Variants in DAB1 observed in about 807,000 individuals in gnomAD.
DAB1 encodes disabled homolog 1.
Under a neutral mutation model 64.6 loss-of-function variants are expected in DAB1, and 15 were observed. The ratio of observed to expected loss-of-function variants is 0.23; its 90% CI spans 0.16 to 0.36. The LOEUF (loss-of-function observed/expected upper bound fraction) is 0.36, where lower values mean the gene tolerates loss of function less well. DAB1 is among the 10% of genes least tolerant of loss of function. The pLI, the probability that DAB1 is intolerant of heterozygous loss-of-function variation, is 1.00. For synonymous variants in DAB1, 235 were observed against 251.9 expected, an observed-to-expected ratio of 0.93 and a Z score of 0.64; for missense variants, 596 against 706.7, an observed-to-expected ratio of 0.84 and a Z score of 1.78.
At chr1:57,172,002 G>A (rs78927129) in intron 2 of DAB1, among the ~76,000 whole-genome samples, 5,728 of 152,132 alleles carry the variant, frequency 0.038, 346 homozygotes, top group African/African-American at 0.13. Flanking sequence ...AAGACTGGGA[G>A]CGACACTGTT....
chr1:57,153,968 G>A (rs754631097), intron 2 of DAB1, among the ~76,000 whole-genome samples: 1 of 152,156 alleles, frequency 6.6e-6, no homozygotes, highest in Non-Finnish European at 1.5e-5. Flanking sequence ...TACACAACAT[G>A]TTTTGATACA....
At chr1:58,132,359 G>A in intron 5 of DAB1, among the ~76,000 whole-genome samples, 1 of 152,166 alleles carries the variant, frequency 6.6e-6, no homozygotes. Context: ...CCCACTGTCT[G>A]GCACTCCCTA....
chr1:58,040,075 C>A (rs1350738074), intron 5 of DAB1, among the ~76,000 whole-genome samples: 1 of 152,066 alleles, frequency 6.6e-6, no homozygotes, highest in Non-Finnish European at 1.5e-5. Flanking sequence ...GCATCTCCAA[C>A]CAAATTAATT....
At chr1:57,590,704 TG>T (rs1645434802) in intron 7 of DAB1, among the ~76,000 whole-genome samples, 1 of 150,476 alleles carries the variant, frequency 6.6e-6, no homozygotes, top group Non-Finnish European at 1.5e-5. Context: ...CATAGGAATT[TG>T]AGGGTGGGAA....
chr1:57,842,723 C>A (rs963603480), intron 1 of DAB1, among the ~76,000 whole-genome samples: 1 of 152,196 alleles, frequency 6.6e-6, no homozygotes, highest in Non-Finnish European at 1.5e-5. Context: ...GTCATAAGAA[C>A]AGCATGGGAG....
intron 5 of DAB1, among the ~76,000 whole-genome samples, chr1:58,136,577 A>T (rs1653956943): frequency 6.6e-6 from 1 of 152,230 alleles, no homozygotes; most frequent in South Asian, 2.1e-4. Flanking sequence ...TGCATTTCCT[A>T]CTTTGTTGGT....
intron 7 of DAB1, among the ~76,000 whole-genome samples, chr1:57,451,763 T>C (rs1269967621): frequency 6.6e-6 from 1 of 152,056 alleles, no homozygotes; most frequent in South Asian, 2.1e-4. Context: ...AAAAATCAGG[T>C]TTTTTCTCTC....
chr1:57,226,672 A>AAAATATATATATATATATATATAT (rs747021990), intron 2 of DAB1, among the ~76,000 whole-genome samples: 1 of 136,000 alleles, frequency 7.4e-6, no homozygotes, highest in African/African-American at 3.1e-5. Context: ...TTAAAAAAAA[A>AAAATATATATATATATATATATAT]ATATATATAT....
intron 6 of DAB1, among the ~76,000 whole-genome samples, chr1:57,668,391 A>G (rs1220557071): frequency 6.6e-6 from 1 of 152,140 alleles, no homozygotes; most frequent in Non-Finnish European, 1.5e-5. Context: ...TGCTCAGTAA[A>G]TGTTAGTCAT....
At chr1:58,105,725 A>C (rs960365195) in intron 5 of DAB1, among the ~76,000 whole-genome samples, 15 of 152,240 alleles carry the variant, frequency 9.9e-5, no homozygotes, top group African/African-American at 3.4e-4. Context: ...GGCACTTAGG[A>C]ATAATGAGGA....
chr1:58,175,650 A>T (rs895002412), intron 4 of DAB1, among the ~76,000 whole-genome samples: 3 of 152,146 alleles, frequency 2.0e-5, no homozygotes, highest in African/African-American at 7.2e-5. Context: ...GCCCATTTTT[A>T]AATTGTTTGT....
At chr1:57,263,716 C>G (rs773670882) in intron 2 of DAB1, among the ~76,000 whole-genome samples, 4 of 152,104 alleles carry the variant, frequency 2.6e-5, no homozygotes, top group Non-Finnish European at 5.9e-5. Context: ...GAGAGAATAG[C>G]AAAGGAATAG....
At chr1:57,592,039 A>T (rs1359573591) in intron 7 of DAB1, among the ~76,000 whole-genome samples, 1 of 152,196 alleles carries the variant, frequency 6.6e-6, no homozygotes. Context: ...ATCTAATAGG[A>T]TGAGGTGTTA....
intron 7 of DAB1, among the ~76,000 whole-genome samples, chr1:57,452,208 C>G (rs1264165105): frequency 7.7e-6 from 1 of 129,148 alleles, no homozygotes; most frequent in Non-Finnish European, 1.6e-5. Context: ...TGCTCTCTCA[C>G]CCAGGCTGGA....
chr1:58,423,637 T>A (rs1303597813), intron 3 of DAB1, among the ~76,000 whole-genome samples: 1 of 152,202 alleles, frequency 6.6e-6, no homozygotes, highest in Admixed American at 6.5e-5. Context: ...GAGAAAGAAG[T>A]GGGTGTTTCT....
intron 7 of DAB1, among the ~76,000 whole-genome samples, chr1:57,598,721 C>A (rs6696838): frequency 0.43 from 65,929 of 152,030 alleles, 16,284 homozygotes; most frequent in Non-Finnish European, 0.55. Flanking sequence ...TCAGAGAAAG[C>A]TTCCGAGAGA....
intron 3 of DAB1, among the ~76,000 whole-genome samples, chr1:58,409,118 A>C (rs1417942097): frequency 6.6e-6 from 1 of 152,234 alleles, no homozygotes; most frequent in Non-Finnish European, 1.5e-5. Context: ...TATATAAAGT[A>C]TGTCATGGAA....
intron 3 of DAB1, among the ~76,000 whole-genome samples, chr1:58,455,687 T>C (rs1039251429): frequency 1.1e-4 from 16 of 152,230 alleles, no homozygotes; most frequent in Admixed American, 7.2e-4. Flanking sequence ...GGCTGGTTAC[T>C]TCAGTCTACT....
intron 4 of DAB1, among the ~76,000 whole-genome samples, chr1:58,246,455 GGA>G (rs778681398): frequency 6.6e-6 from 1 of 152,208 alleles, no homozygotes; most frequent in Non-Finnish European, 1.5e-5. Context: ...TAATGCATGA[GGA>G]GAGTCTACAG....
Sources: gnomAD v4.1 joint callset for allele counts (sites outside exome capture counted in the v4.1 genomes callset) on GRCh38, gnomAD v4.1.1 for gene constraint, MANE v1.5 for transcripts, NCBI Gene and HGNC (gene_info 2026-07-23, HGNC 2026-07-21) for gene names.